GSDMC: variants seen among roughly 807,000 people sequenced by gnomAD.
The protein encoded by GSDMC is gasdermin C.
A neutral mutation model predicts 58.0 loss-of-function variants in GSDMC; 59 were observed. The observed-to-expected ratio is 1.02, with a 90% CI of 0.82 to 1.26. The LOEUF (loss-of-function observed/expected upper bound fraction) is 1.26, where lower values mean the gene tolerates loss of function less well. GSDMC is among the 50% of genes most tolerant of loss of function. The pLI is 0.00. For missense variants in GSDMC, 659 were observed against 598.5 expected (o/e 1.10, Z -1.06); for synonymous variants, 241 against 220.2 (o/e 1.09, Z -0.83).
At chr8:129,742,995 T>C in the GSDMC span, among the ~76,000 whole-genome samples, 2 of 152,166 alleles carry the variant, frequency 1.3e-5, no homozygotes. Flanking sequence ...AACCTTTCTT[T>C]CTCTGAATGC....
chr8:129,771,003 G>A (rs537532517), intron 3 of GSDMC, among the ~76,000 whole-genome samples: 5 of 150,102 alleles, frequency 3.3e-5, no homozygotes, highest in South Asian at 2.1e-4. Context: ...AGACACACAC[G>A]CAGACACATT....
At chr8:129,765,007 G>A (rs2033806879) in intron 4 of GSDMC, among the ~76,000 whole-genome samples, 1 of 152,154 alleles carries the variant, frequency 6.6e-6, no homozygotes, top group Non-Finnish European at 1.5e-5. Context: ...AGTTTTTAAA[G>A]CTCTTAAGTA....
chr8:129,740,625 T>C, the GSDMC span, among the ~76,000 whole-genome samples: 1 of 152,194 alleles, frequency 6.6e-6, no homozygotes, highest in Non-Finnish European at 1.5e-5. Context: ...ATTGTCTACG[T>C]TTGTGTAAGT....
the GSDMC span, chr8:129,730,567 C>T: frequency 1.3e-5 from 4 of 310,806 alleles, no homozygotes; most frequent in Non-Finnish European, 1.7e-5. Context: ...AAGAAATATG[C>T]GTATTCTGAA....
the GSDMC span, among the ~76,000 whole-genome samples, chr8:129,735,399 G>C: frequency 6.6e-6 from 1 of 152,138 alleles, no homozygotes; most frequent in Admixed American, 6.5e-5. Context: ...TGACCACATA[G>C]TTGGAAGTAA....
intron 1 of GSDMC, among the ~76,000 whole-genome samples, chr8:129,784,480 G>A (rs995399903): frequency 2.0e-5 from 3 of 151,962 alleles, no homozygotes; most frequent in African/African-American, 4.8e-5. Context: ...ATGAAAAAAA[G>A]GCATATGAAA....
chr8:129,777,105 C>T (rs952351839), intron 2 of GSDMC, among the ~76,000 whole-genome samples: 6 of 152,054 alleles, frequency 3.9e-5, no homozygotes, highest in African/African-American at 1.4e-4. Context: ...AATTTTATAA[C>T]CTTCTATTTA....
the GSDMC span, among the ~76,000 whole-genome samples, chr8:129,708,943 A>C: frequency 1.3e-5 from 2 of 152,214 alleles, no homozygotes; most frequent in African/African-American, 2.4e-5. Context: ...CAGTTTCCTC[A>C]TCTGAATATA....
chr8:129,720,609 G>A, the GSDMC span, among the ~76,000 whole-genome samples: 1 of 152,162 alleles, frequency 6.6e-6, no homozygotes, highest in South Asian at 2.1e-4. Context: ...TGTACAAATA[G>A]TATCTACATT....
At position 129,750,693 on chromosome 8, in the gene GSDMC, C is replaced by A. The variant is rs1443002844; in HGVS notation, c.944-123G>T. The A allele has an allele frequency of 4.4e-6, 4 of 905,940 alleles. No homozygotes were observed. In the Admixed American group the frequency reaches 6.8e-5, roughly 15 times the overall value. 56.1% of individuals were successfully genotyped at this position (905,940 alleles called of 1,614,324 possible). On this transcript the variant is annotated intron_variant, in intron 10 of 13. Transcript: ENST00000276708. ...TCCTCTATCCCTTTCAGCTGCTAACCAAAATTGTCTCTGCTAATGGCATGC... is the reference window on the plus strand; with the variant it reads ...TCCTCTATCCCTTTCAGCTGCTAACAAAAATTGTCTCTGCTAATGGCATGC...
chr8:129,760,655 G>C, intron 5 of GSDMC, 66 bp from the exon 6 acceptor site: 1 of 914,880 alleles, frequency 1.1e-6, no homozygotes, highest in Non-Finnish European at 1.8e-6. Flanking sequence ...CTAGACCAGG[G>C]AACTCCTTAT....
the GSDMC span, among the ~76,000 whole-genome samples, chr8:129,734,824 A>T: frequency 1.3e-5 from 2 of 152,198 alleles, no homozygotes; most frequent in African/African-American, 4.8e-5. Context: ...ATTAACCTTA[A>T]ATGTAAATGG....
intron 7 of GSDMC, among the ~76,000 whole-genome samples, chr8:129,752,418 G>A (rs1042665947): frequency 1.3e-5 from 2 of 152,158 alleles, no homozygotes; most frequent in African/African-American, 4.8e-5. Flanking sequence ...CAGAGGAAGG[G>A]GACAGTTGCA....
rs2033226733 is a variant in GSDMC, at chr8:129,752,106, T to C, written c.886A>G (p.Lys296Glu). 2 of 1,612,612 alleles carry C rather than the reference T, an allele frequency of 1.2e-6. No individual in the cohort carries two copies. Among genetic ancestry groups the C allele is most frequent in the Non-Finnish European group, 1.7e-6 (2 of 1,178,618 alleles). Reference protein sequence around the residue: ...TQQFLSGHLPKYEQVHILPVG... With the variant: ...TQQFLSGHLPEYEQVHILPVG... ...AAGGGGAGGGCCAGATTCCACTCAC[T>C]TGGCAAATGCCCGCTCAAAAATTGC... Residue 296 changes from lysine (K) to glutamate (E), a missense_variant and splice_region_variant, in exon 8 of 14, where the codon AAA (lysine) becomes GAA (glutamate). Lys to Glu is a moderately conservative substitution (Grantham distance 56). Coordinates refer to ENST00000276708, the MANE Select transcript of GSDMC (RefSeq NM_031415.3).
the GSDMC span, among the ~76,000 whole-genome samples, chr8:129,732,019 T>G: frequency 6.6e-6 from 1 of 152,152 alleles, no homozygotes; most frequent in Non-Finnish European, 1.5e-5. Context: ...CAGTTTGCCA[T>G]GACTTGAATG....
intron 3 of GSDMC, among the ~76,000 whole-genome samples, chr8:129,768,386 T>G (rs2033937821): frequency 6.6e-6 from 1 of 152,192 alleles, no homozygotes; most frequent in African/African-American, 2.4e-5. Flanking sequence ...AATGACTGAC[T>G]CTAAAGAAAT....
At chr8:129,716,108 T>C in the GSDMC span, among the ~76,000 whole-genome samples, 1 of 152,106 alleles carries the variant, frequency 6.6e-6, no homozygotes, top group Non-Finnish European at 1.5e-5. Flanking sequence ...AAACAACATA[T>C]GGGCAATTTT....
intron 9 of GSDMC, 97 bp downstream of exon 9, chr8:129,751,765 C>T (rs1053171080): frequency 3.9e-5 from 50 of 1,293,190 alleles, no homozygotes; most frequent in Admixed American, 6.9e-5. Context: ...GGCCCTAGGG[C>T]GGTGGTGGCA....
intron 4 of GSDMC, among the ~76,000 whole-genome samples, chr8:129,764,538 T>C (rs1449077580): frequency 1.3e-5 from 2 of 152,166 alleles, no homozygotes; most frequent in Non-Finnish European, 2.9e-5. Flanking sequence ...CTGTAACTAG[T>C]CTTCCTAAAT....
Sources: gnomAD v4.1 joint callset for allele counts (sites outside exome capture counted in the v4.1 genomes callset) on GRCh38, gnomAD v4.1.1 for gene constraint, MANE v1.5 for transcripts, NCBI Gene and HGNC (gene_info 2026-07-23, HGNC 2026-07-21) for gene names.